SAE1: variants seen among roughly 807,000 people sequenced by gnomAD.
SAE1 encodes the protein SUMO-activating enzyme subunit 1.
SAE1 carries 11 observed loss-of-function variants against 40.6 expected under a neutral mutation model. The observed-to-expected ratio is 0.27, with a 90% CI of 0.17 to 0.45. The LOEUF (loss-of-function observed/expected upper bound fraction) is 0.45. SAE1 is among the 20% of genes least tolerant of loss of function. The pLI is 1.00. For synonymous variants in SAE1, 155 were observed against 154.3 expected (o/e 1.00, Z -0.03); for missense variants, 373 against 427.3 (o/e 0.87, Z 1.12).
intron 5 of SAE1, among the ~76,000 whole-genome samples, chr19:47,163,359 C>T (rs941241996): frequency 1.3e-5 from 2 of 152,032 alleles, no homozygotes; most frequent in African/African-American, 2.4e-5. Flanking sequence ...TGTCATTATT[C>T]CCTAAGCAAT....
At chr19:47,182,501 GCACGCA>G (rs901928520) in intron 6 of SAE1, among the ~76,000 whole-genome samples, 5 of 148,388 alleles carry the variant, frequency 3.4e-5, no homozygotes, top group Admixed American at 2.0e-4. Flanking sequence ...GTGTGTGCGC[GCACGCA>G]CGCGCGCGCG....
At chr19:47,192,312 A>C (rs2058583860) in intron 6 of SAE1, among the ~76,000 whole-genome samples, 1 of 151,946 alleles carries the variant, frequency 6.6e-6, no homozygotes, top group Admixed American at 6.6e-5. Flanking sequence ...TTGCAGTGGC[A>C]CGATACCGGC....
chr19:47,160,647 G>C (rs934409910), intron 5 of SAE1, among the ~76,000 whole-genome samples: 2 of 151,276 alleles, frequency 1.3e-5, no homozygotes, highest in Non-Finnish European at 2.9e-5. Flanking sequence ...CGCCCACCTC[G>C]GCCTCCCAAA....
At chr19:47,152,290 G>A (rs2058292834) in intron 3 of SAE1, among the ~76,000 whole-genome samples, 1 of 152,204 alleles carries the variant, frequency 6.6e-6, no homozygotes, top group African/African-American at 2.4e-5. Flanking sequence ...ATTCCACTGA[G>A]TGGATCACCA....
rs1251712963 is a variant in SAE1, at chr19:47,210,316, A to AT, written c.*1071dup. 2 of 151,746 alleles carry AT rather than the reference A, an allele frequency of 1.3e-5. No individual in the cohort carries two copies. The highest frequency in any genetic ancestry group is 2.4e-5 in the African/African-American group (1 of 41,278). The allele number at this position is 151,746 out of a possible 1,614,324, so 9.4% of individuals were successfully genotyped here. ...CCTCTCCCTCACCATTCCTGCCACC[A>AT]TTTTTTCTGGGTGATGCAGCAAGAG... On this transcript the variant is annotated 3_prime_UTR_variant, in exon 9 of 9. Coordinates refer to ENST00000270225, the MANE Select transcript of SAE1 (RefSeq NM_005500.3).
chr19:47,207,558 CAGAA>C (rs2058692647), intron 8 of SAE1, among the ~76,000 whole-genome samples: 1 of 152,240 alleles, frequency 6.6e-6, no homozygotes, highest in South Asian at 2.1e-4. Context: ...AACCCTTTCT[CAGAA>C]AGATGTATGT....
Position 47,209,443 on chromosome 19 carries a change from G to A in SAE1, c.*192G>A, listed in dbSNP as rs1266562840. On this transcript the variant is annotated 3_prime_UTR_variant, in exon 9 of 9. Transcript: ENST00000270225. ...CACCAGCAGCTGCTCGACAAGGGGCGCAGGGTGGCTGTCTTTGTTCCAGCA... is the reference window on the plus strand; with the variant it reads ...CACCAGCAGCTGCTCGACAAGGGGCACAGGGTGGCTGTCTTTGTTCCAGCA... 13 of 946,918 alleles carry A rather than the reference G, an allele frequency of 1.4e-5. No individual in the cohort carries two copies. Among genetic ancestry groups the A allele is most frequent in the South Asian group, 9.8e-5 (6 of 61,310 alleles). The allele number at this position is 946,918 out of a possible 1,614,324, so 58.7% of individuals were successfully genotyped here.
chr19:47,131,781 A>C (rs1025387048), intron 1 of SAE1, among the ~76,000 whole-genome samples: 2 of 145,530 alleles, frequency 1.4e-5, no homozygotes, highest in African/African-American at 5.1e-5. Context: ...GCTCACTGCA[A>C]CCTCTGCCTC....
At chr19:47,169,389 G>T (rs2058416557) in intron 5 of SAE1, among the ~76,000 whole-genome samples, 1 of 152,122 alleles carries the variant, frequency 6.6e-6, no homozygotes, top group Non-Finnish European at 1.5e-5. Flanking sequence ...GGGACTACAG[G>T]CGGCCGCCAG....
intron 1 of SAE1, among the ~76,000 whole-genome samples, chr19:47,137,651 A>G (rs2123180022): frequency 6.6e-6 from 1 of 151,156 alleles, no homozygotes; most frequent in Middle Eastern, 3.5e-3. Context: ...CGTATGCCAT[A>G]TCACTCAGCT....
intron 6 of SAE1, among the ~76,000 whole-genome samples, chr19:47,182,913 T>A (rs1367437189): frequency 6.6e-6 from 1 of 152,008 alleles, no homozygotes; most frequent in African/African-American, 2.4e-5. Context: ...CAACACCCTG[T>A]CTCTTTTTTT....
At chr19:47,157,838 G>A (rs1315915188) in intron 5 of SAE1, among the ~76,000 whole-genome samples, 1 of 152,162 alleles carries the variant, frequency 6.6e-6, no homozygotes, top group Non-Finnish European at 1.5e-5. Context: ...GTGCATTCCT[G>A]CTGACAATCC....
chr19:47,134,669 G>A (rs1203436350), intron 1 of SAE1, among the ~76,000 whole-genome samples: 1 of 152,140 alleles, frequency 6.6e-6, no homozygotes, highest in Non-Finnish European at 1.5e-5. Flanking sequence ...GGGGTTTGCG[G>A]CAGCAGATAG....
intron 5 of SAE1, among the ~76,000 whole-genome samples, chr19:47,166,672 G>A (rs920434490): frequency 3.9e-5 from 6 of 152,114 alleles, no homozygotes; most frequent in Admixed American, 2.6e-4. Flanking sequence ...TTTGAAACCT[G>A]CCTGGTAATA....
At chr19:47,182,496 T>TGTGCGCGCGCACGCACGCGC (rs143321323) in intron 6 of SAE1, among the ~76,000 whole-genome samples, 4 of 145,938 alleles carry the variant, frequency 2.7e-5, no homozygotes, top group Admixed American at 6.9e-5. Flanking sequence ...TGTGTGTGTG[T>TGTGCGCGCGCACGCACGCGC]GCGCGCACGC....
At chr19:47,140,832 T>C (rs1386738593) in intron 1 of SAE1, among the ~76,000 whole-genome samples, 1 of 152,054 alleles carries the variant, frequency 6.6e-6, no homozygotes, top group Non-Finnish European at 1.5e-5. Flanking sequence ...TTGGTGTTGA[T>C]GGCAGTTGAG....
intron 7 of SAE1, among the ~76,000 whole-genome samples, chr19:47,198,233 T>C (rs915852641): frequency 3.3e-5 from 5 of 152,096 alleles, no homozygotes; most frequent in Non-Finnish European, 5.9e-5. Context: ...ACTCAGCCTT[T>C]TGAGTAGCTG....
intron 6 of SAE1, among the ~76,000 whole-genome samples, chr19:47,193,246 A>G (rs2058590971): frequency 6.6e-6 from 1 of 151,726 alleles, no homozygotes; most frequent in Non-Finnish European, 1.5e-5. Context: ...TTTTTAGTAG[A>G]GATGGGGTTT....
Position 47,143,620 on chromosome 19 carries a change from G to T in SAE1, c.210+15G>T. 2 of 1,573,234 alleles carry T rather than the reference G, an allele frequency of 1.3e-6. No homozygotes were observed. The highest frequency in any genetic ancestry group is 1.8e-6 in the Non-Finnish European group (2 of 1,142,708). Reference sequence around the variant, plus strand: ...ATCACGAACAGGTGCGCTGTTGTGAGCTCATTCCTCCCCTGCTCTGGCTCC... The same window carrying T: ...ATCACGAACAGGTGCGCTGTTGTGATCTCATTCCTCCCCTGCTCTGGCTCC... On this transcript the variant is annotated intron_variant, in intron 2 of 8. Coordinates refer to ENST00000270225, the MANE Select transcript of SAE1 (RefSeq NM_005500.3).
Sources: allele counts gnomAD v4.1 joint callset (sites outside exome capture counted in the v4.1 genomes callset), GRCh38; gene constraint gnomAD v4.1.1; transcripts MANE v1.5; gene names NCBI Gene and HGNC (gene_info 2026-07-23, HGNC 2026-07-21).